Variants in BSPRY observed in about 807,000 individuals in gnomAD.
BSPRY encodes B box and SPRY domain-containing protein.
Under a neutral mutation model 38.0 loss-of-function variants are expected in BSPRY, and 33 were observed. The ratio of observed to expected loss-of-function variants is 0.87; its 90% confidence interval spans 0.66 to 1.16. BSPRY has a LOEUF of 1.16. BSPRY is among the 50% of genes most tolerant of loss of function. The pLI, the probability that BSPRY is intolerant of heterozygous loss-of-function variation, is 0.00. For missense variants in BSPRY, 523 were observed against 533.2 expected (o/e 0.98, Z 0.19); for synonymous variants, 224 against 228.5 (o/e 0.98, Z 0.18).
chr9:113,369,793 C>G lies in BSPRY; in HGVS notation c.860C>G (p.Ala287Gly). 6.2e-7 allele frequency: 1 copy of G among 1,614,240 alleles called. No homozygotes were observed. The highest frequency in any genetic ancestry group is 1.7e-5 in the Admixed American group (1 of 60,024). ...ACCTCCTTCCAGAATGGGCTCCATG[C>G]CTGGATGGTGAATGTCCAGAACAGT... ...AATSFQNGLH[A>G]WMVNVQNSCA... The change falls in exon 6 of 6, where the codon GCC becomes GGC. Residue 287 changes from alanine (A) to glycine (G), a missense_variant. Physicochemically the swap from Ala to Gly is moderately conservative, Grantham distance 60. Transcript: ENST00000374183.
At chr9:113,355,360 G>A (rs528406755) in intron 2 of BSPRY, among the ~76,000 whole-genome samples, 1 of 152,244 alleles carries the variant, frequency 6.6e-6, no homozygotes, top group African/African-American at 2.4e-5. Flanking sequence ...ACAAGTATAA[G>A]CAAAATGGGG....
Position 113,369,770 on chromosome 9 carries a change from C to G in BSPRY, c.837C>G (p.Thr279=). Residue 279 remains threonine, a synonymous_variant, in exon 6 of 6, where the codon ACC becomes ACG. Coordinates refer to ENST00000374183, the MANE Select transcript of BSPRY (RefSeq NM_017688.3). ...FDHWPNALAA[T]SFQNGLHAWM... is the part of the protein sequence containing the mutation. ...ACTGGCCCAATGCCCTGGCTGCCAC[C>G]TCCTTCCAGAATGGGCTCCATGCCT... is the stretch of plus-strand genomic sequence containing the variant. 2 of 1,614,268 alleles carry G rather than the reference C, an allele frequency of 1.2e-6. No individual in the cohort carries two copies. The highest frequency in any genetic ancestry group is 1.7e-6 in the Non-Finnish European group (2 of 1,180,040).
intron 2 of BSPRY, among the ~76,000 whole-genome samples, chr9:113,359,954 C>G (rs1429445797): frequency 6.6e-6 from 1 of 152,114 alleles, no homozygotes. Context: ...CTAAGAATTA[C>G]AAGAAGACAC....
Position 113,370,292 on chromosome 9 carries a change from T to A in BSPRY, c.*150T>A. 1.1e-6 allele frequency: 1 copy of A among 943,412 alleles called. No homozygotes were observed. The highest frequency in any genetic ancestry group is 1.5e-6 in the Non-Finnish European group (1 of 663,122). The allele number at this position is 943,412 out of a possible 1,614,324, so 58.4% of individuals were successfully genotyped here. A position where few individuals can be genotyped will look rare whatever the true frequency, so the allele number is the denominator to read the frequency against. On this transcript the variant is annotated 3_prime_UTR_variant, in exon 6 of 6. Transcript: ENST00000374183. This position sits in a 1 kb window ranked among gnomAD's most constrained non-coding sequence, Gnocchi z 4.8. ...CAGCTTTAGGAGGGATGGGGATCTG[T>A]TTCAGATCTAGGCATAACCTGTAAA...
At chr9:113,355,097 A>G (rs1347447134) in intron 2 of BSPRY, among the ~76,000 whole-genome samples, 17 of 151,924 alleles carry the variant, frequency 1.1e-4, no homozygotes, top group Non-Finnish European at 1.8e-4. Context: ...GCTTAAGCCA[A>G]CCTCCCTCCT....
chr9:113,363,282 CAA>C (rs34808144), intron 4 of BSPRY, among the ~76,000 whole-genome samples: 1 of 113,694 alleles, frequency 8.8e-6, no homozygotes, highest in Non-Finnish European at 1.7e-5. Context: ...CTGATATCTA[CAA>C]AAAAAAAATT....
rs818712 is a variant in BSPRY at position 113,370,390 on chromosome 9, A to C, written c.*248A>C. The C allele has an allele frequency of 0.085, 32,273 of 380,114 alleles. 2,343 individuals carry two copies. The highest frequency in any genetic ancestry group is 0.31 in the East Asian group (7,306 of 23,798). 23.5% of individuals were successfully genotyped at this position (380,114 alleles called of 1,614,324 possible). A position where few individuals can be genotyped will look rare whatever the true frequency, so the allele number is the denominator to read the frequency against. On this transcript the variant is annotated 3_prime_UTR_variant, in exon 6 of 6. Transcript: ENST00000374183. This position sits in a 1 kb window ranked among gnomAD's most constrained non-coding sequence, Gnocchi z 4.8. ...AATTTTCTTGGGCCACATAAAATAC[A>C]CTAACGATAGCTGATGAGCTAAAAA...
rs1448588194 is a variant in BSPRY, at chr9:113,349,652, C to T, written c.73C>T (p.His25Tyr). ...GPGPGPLCPE[H>Y]GQALSWFCGS... ...CGGGCCGGGGCCACTCTGCCCCGAA[C>T]ACGGCCAGGCTCTGAGCTGGTTCTG... The change falls in exon 1 of 6, where the codon CAC (histidine) becomes TAC (tyrosine). Residue 25 changes from histidine to tyrosine, a missense_variant. Coordinates refer to ENST00000374183, the MANE Select transcript of BSPRY (RefSeq NM_017688.3). The T allele has an allele frequency of 4.1e-6, 5 of 1,231,420 alleles. No individual in the cohort carries two copies. Among genetic ancestry groups the T allele is most frequent in the African/African-American group, 1.6e-5 (1 of 63,566 alleles). 76.3% of individuals were successfully genotyped at this position (1,231,420 alleles called of 1,614,324 possible). A position where few individuals can be genotyped will look rare whatever the true frequency, so the allele number is the denominator to read the frequency against.
Position 113,365,802 on chromosome 9 carries a change from CT to C in BSPRY, c.558-2437del, listed in dbSNP as rs139762130. On this transcript the variant is annotated intron_variant, in intron 4 of 5. Transcript: ENST00000374183. ...GATGCATGAGTTTGTGTCACAGCTT[CT>C]TTTTTTTTTTTTTTTTTTTGAGATG... 7.0e-3 allele frequency among the ~76,000 whole-genome samples: 744 copies of C among 106,746 alleles called. 19 individuals are homozygous for C. In the East Asian group the frequency reaches 0.16, roughly 23 times the overall value. 70.0% of individuals were successfully genotyped at this position (106,746 alleles called of 152,430 possible).
chr9:113,353,445 G>A (rs1834002676), intron 1 of BSPRY, among the ~76,000 whole-genome samples: 2 of 152,118 alleles, frequency 1.3e-5, no homozygotes, highest in South Asian at 4.1e-4. Flanking sequence ...GCTCACACCT[G>A]TAATCCCAGC....
chr9:113,349,831 G>A (rs1200358692), intron 1 of BSPRY, 51 bp downstream of exon 1: 2 of 1,209,444 alleles, frequency 1.7e-6, no homozygotes, highest in South Asian at 3.9e-5. Context: ...CCCCGGGCGC[G>A]CCTGGCGGGA....
chr9:113,364,490 AT>A (rs1175054879), intron 4 of BSPRY, among the ~76,000 whole-genome samples: 1 of 152,076 alleles, frequency 6.6e-6, no homozygotes, highest in Admixed American at 6.5e-5. Flanking sequence ...AGCTGATCTG[AT>A]TTTTTAATTG....
chr9:113,367,165 C>T (rs1834266057), intron 4 of BSPRY, among the ~76,000 whole-genome samples: 1 of 152,172 alleles, frequency 6.6e-6, no homozygotes, highest in Non-Finnish European at 1.5e-5. Flanking sequence ...GAATCTAGCT[C>T]CCCTTTTTAG....
rs1421695941 is a variant in BSPRY, at chr9:113,370,632, A to G, written c.*490A>G. 6.5e-6 allele frequency: 1 copy of G among 152,766 alleles called. No homozygotes were observed. The highest frequency in any genetic ancestry group is 1.5e-5 in the Non-Finnish European group (1 of 68,548). 9.5% of individuals were successfully genotyped at this position (152,766 alleles called of 1,614,324 possible). ...TGGCATCTAGCATGGTGCCTGGTGC[A>G]TAGTGAGCATGCAATAAATATTTGG... On this transcript the variant is annotated 3_prime_UTR_variant, in exon 6 of 6. Coordinates refer to ENST00000374183, the MANE Select transcript of BSPRY (RefSeq NM_017688.3). The surrounding 1 kb of genome is among the most constrained non-coding windows in gnomAD (Gnocchi z 4.8).
chr9:113,358,613 T>C (rs1230808684), intron 2 of BSPRY, among the ~76,000 whole-genome samples: 5 of 152,180 alleles, frequency 3.3e-5, no homozygotes, highest in Non-Finnish European at 5.9e-5. Context: ...TTCCAGCATT[T>C]CTCTACTTTA....
At chr9:113,364,063 G>A (rs1834204043) in intron 4 of BSPRY, among the ~76,000 whole-genome samples, 1 of 151,598 alleles carries the variant, frequency 6.6e-6, no homozygotes, top group African/African-American at 2.4e-5. Flanking sequence ...GCGTACCCCT[G>A]TAATCTCAGT....
rs11351890 is a variant in BSPRY at position 113,370,410 on chromosome 9, T to TA, written c.*283dup. 0.11 allele frequency: 24,681 copies of TA among 226,774 alleles called. 1,215 individuals are homozygous for TA. Among genetic ancestry groups the TA allele is most frequent in the East Asian group, 0.18 (2,079 of 11,614 alleles). The allele number at this position is 226,774 out of a possible 1,614,324, so 14.0% of individuals were successfully genotyped here. A position where few individuals can be genotyped will look rare whatever the true frequency, so the allele number is the denominator to read the frequency against. On this transcript the variant is annotated 3_prime_UTR_variant, in exon 6 of 6. Coordinates refer to ENST00000374183, the MANE Select transcript of BSPRY (RefSeq NM_017688.3). The surrounding 1 kb of genome is among the most constrained non-coding windows in gnomAD (Gnocchi z 4.8). ...AATACACTAACGATAGCTGATGAGC[T>TA]AAAAAAAAAAAAAAAGTCTGTGTAT...
At chr9:113,352,010 C>A (rs1213046671) in intron 1 of BSPRY, among the ~76,000 whole-genome samples, 1 of 152,030 alleles carries the variant, frequency 6.6e-6, no homozygotes, top group East Asian at 1.9e-4. Flanking sequence ...GGGGTTTCAC[C>A]ACGTTGGCCA....
Position 113,369,631 on chromosome 9 carries a change from G to T in BSPRY, c.698G>T (p.Arg233Leu). Residue 233 changes from arginine (R) to leucine (L), a missense_variant, in exon 6 of 6, where the codon CGG (arginine) becomes CTG (leucine). Physicochemically the swap from Arg to Leu is moderately radical, Grantham distance 102. Coordinates refer to ENST00000374183, the MANE Select transcript of BSPRY (RefSeq NM_017688.3). ...LGSLSGTEDI[R>L]IDERTVSPFL... The stretch of plus-strand genomic sequence containing the variant: ...TTTCTGGCAGGCACAGAGGACATAC[G>T]GATCGATGAGAGGACAGTCAGCCCC... The T allele has an allele frequency of 6.2e-7, 1 of 1,612,502 alleles. No individual in the cohort carries two copies. The highest frequency in any genetic ancestry group is 8.5e-7 in the Non-Finnish European group (1 of 1,179,076).
Sources: allele counts gnomAD v4.1 joint callset (sites outside exome capture counted in the v4.1 genomes callset), GRCh38; gene constraint gnomAD v4.1.1; non-coding constraint Gnocchi (gnomAD v3.1); transcripts MANE v1.5; gene names NCBI Gene and HGNC (gene_info 2026-07-23, HGNC 2026-07-21).